The following KLHDC1 variants were observed in gnomAD, a reference collection of about 807,000 sequenced individuals.
KLHDC1 encodes the protein kelch domain containing 1, also known as kelch domain-containing protein 1.
KLHDC1 carries 53 observed loss-of-function variants against 68.3 expected under a neutral mutation model. The ratio of observed to expected loss-of-function variants is 0.78; its 90% CI spans 0.62 to 0.98. KLHDC1 has a LOEUF of 0.98. Among genes scored for constraint, KLHDC1 ranks in the 50% least tolerant of loss-of-function variants. KLHDC1 has a pLI of 0.00. For missense variants in KLHDC1, 470 were observed against 492.3 expected (o/e 0.95, Z 0.43); for synonymous variants, 148 against 159.0 (o/e 0.93, Z 0.52).
chr14:49,730,101 T>C (rs1031291689), intron 8 of KLHDC1, among the ~76,000 whole-genome samples: 1 of 151,788 alleles, frequency 6.6e-6, no homozygotes, highest in Non-Finnish European at 1.5e-5. Flanking sequence ...AATTCATAAA[T>C]GAAAAGACTG....
chr14:49,699,958 T>C, intron 1 of KLHDC1: 1 of 232,308 alleles, frequency 4.3e-6, no homozygotes, highest in South Asian at 3.8e-5. Context: ...AGTATGGTTT[T>C]CCTATCATGG....
At chr14:49,744,349 T>C (rs1199529306) in intron 12 of KLHDC1, among the ~76,000 whole-genome samples, 1 of 152,124 alleles carries the variant, frequency 6.6e-6, no homozygotes, top group Admixed American at 6.6e-5. Flanking sequence ...ATACAGTCAC[T>C]GTTTTGTTTG....
At chr14:49,741,916 G>C (rs1327346086) in intron 11 of KLHDC1, among the ~76,000 whole-genome samples, 1 of 152,146 alleles carries the variant, frequency 6.6e-6, no homozygotes, top group Admixed American at 6.5e-5. Flanking sequence ...AACCCAGAGG[G>C]CACTAGCTCC....
chr14:49,726,131 A>G (rs1021207932), intron 6 of KLHDC1, among the ~76,000 whole-genome samples: 2 of 152,240 alleles, frequency 1.3e-5, no homozygotes, highest in African/African-American at 4.8e-5. Flanking sequence ...TACAGGCATT[A>G]TAGGTCACCA....
intron 4 of KLHDC1, among the ~76,000 whole-genome samples, chr14:49,719,131 C>T (rs1198309985): frequency 6.6e-6 from 1 of 151,828 alleles, no homozygotes; most frequent in African/African-American, 2.4e-5. Context: ...TGCCTCCAAC[C>T]TTTATCATTT....
At chr14:49,748,451 G>A (rs1254704417) in intron 12 of KLHDC1, among the ~76,000 whole-genome samples, 1 of 152,090 alleles carries the variant, frequency 6.6e-6, no homozygotes, top group African/African-American at 2.4e-5. Context: ...CATACAGCTG[G>A]TGTTCCAAAA....
intron 12 of KLHDC1, among the ~76,000 whole-genome samples, chr14:49,745,833 C>T (rs574738554): frequency 2.1e-4 from 32 of 152,298 alleles, no homozygotes; most frequent in African/African-American, 7.5e-4. Context: ...AGAACTTTAT[C>T]TCTCTTTTAC....
chr14:49,727,195 C>CG (rs1364148017), intron 6 of KLHDC1, among the ~76,000 whole-genome samples: 2 of 151,852 alleles, frequency 1.3e-5, no homozygotes, highest in Non-Finnish European at 2.9e-5. Flanking sequence ...TTGCAGTGAG[C>CG]GGAGATTGCT....
intron 1 of KLHDC1, among the ~76,000 whole-genome samples, chr14:49,702,908 G>A (rs1887947817): frequency 6.6e-6 from 1 of 152,162 alleles, no homozygotes; most frequent in African/African-American, 2.4e-5. Flanking sequence ...ATAAAAGGCA[G>A]CAGTGTGGTG....
rs1449266268 is a variant in KLHDC1, at chr14:49,751,760, C to T, written c.1209C>T (p.Ile403=). ...AAACAGAAAATAAATATCAGTGGAT[C>T]AGTAGCAATTAAATTGTTATATACT... ...KEETENKYQW[I]SSN Residue 403 remains isoleucine, a synonymous_variant, in exon 13 of 13, where the codon ATC becomes ATT. Transcript: ENST00000359332. 1 of 1,555,258 alleles carries T rather than the reference C, an allele frequency of 6.4e-7. No homozygotes were observed. The highest frequency in any genetic ancestry group is 2.3e-5 in the East Asian group (1 of 43,702).
chr14:49,693,152 C>G lies in KLHDC1; in HGVS notation c.-43C>G. On this transcript the variant is annotated 5_prime_UTR_variant, in exon 1 of 13. Coordinates refer to ENST00000359332, the MANE Select transcript of KLHDC1 (RefSeq NM_172193.3). ...GCTGGAGGCGAGGCCGCCGGGCGGGCAGGGGTTGTGGCGCGGCAAGCGGCG... is the reference window on the plus strand; with the variant it reads ...GCTGGAGGCGAGGCCGCCGGGCGGGGAGGGGTTGTGGCGCGGCAAGCGGCG... The G allele has an allele frequency of 1.3e-6, 2 of 1,530,166 alleles. No homozygotes were observed. Among genetic ancestry groups the G allele is most frequent in the Non-Finnish European group, 1.8e-6 (2 of 1,130,090 alleles). 94.8% of individuals were successfully genotyped at this position (1,530,166 alleles called of 1,614,324 possible).
chr14:49,729,107 A>G (rs1888741722), intron 7 of KLHDC1, 98 bp downstream of exon 7: 1 of 826,254 alleles, frequency 1.2e-6, no homozygotes, highest in Non-Finnish European at 2.0e-6. Context: ...CATGTAATCT[A>G]GAGATTAAAA....
At chr14:49,740,062 A>G in intron 10 of KLHDC1, 36 bp from the exon 11 acceptor site, 1 of 1,163,478 alleles carries the variant, frequency 8.6e-7, no homozygotes, top group East Asian at 2.4e-5. Context: ...TTCTCCCATG[A>G]CAGTGTTTCA....
At chr14:49,716,851 C>T (rs1888390976) in intron 4 of KLHDC1, among the ~76,000 whole-genome samples, 2 of 152,168 alleles carry the variant, frequency 1.3e-5, no homozygotes, top group Non-Finnish European at 2.9e-5. Context: ...AAACTCTGTG[C>T]CCATTAAGCC....
At chr14:49,697,661 ATAAT>A (rs897416020) in intron 1 of KLHDC1, among the ~76,000 whole-genome samples, 30 of 152,328 alleles carry the variant, frequency 2.0e-4, no homozygotes, top group African/African-American at 5.1e-4. Flanking sequence ...TGTGTGTTAA[ATAAT>A]TCTCAGATTC....
intron 6 of KLHDC1, among the ~76,000 whole-genome samples, chr14:49,727,972 TTTCC>T: frequency 6.6e-6 from 1 of 152,194 alleles, no homozygotes; most frequent in South Asian, 2.1e-4. Context: ...GCAGAAGATT[TTTCC>T]CTCAAACCTT....
chr14:49,744,171 A>C (rs545008529), intron 12 of KLHDC1, among the ~76,000 whole-genome samples: 1 of 151,266 alleles, frequency 6.6e-6, no homozygotes, highest in Admixed American at 6.6e-5. Context: ...AGTCTTGGCT[A>C]CTGTGGCTAC....
At chr14:49,748,103 A>T (rs760815159) in intron 12 of KLHDC1, among the ~76,000 whole-genome samples, 1 of 152,212 alleles carries the variant, frequency 6.6e-6, no homozygotes, top group Admixed American at 6.5e-5. Context: ...ATGGGAGTTT[A>T]AGATTTCACA....
intron 1 of KLHDC1, 39 bp from the exon 2 acceptor site, chr14:49,709,120 T>A (rs1888133639): frequency 2.3e-6 from 2 of 870,962 alleles, no homozygotes; most frequent in Non-Finnish European, 3.7e-6. Context: ...GTTTGCTGTG[T>A]AACTGATAAA....
Sources: allele counts gnomAD v4.1 joint callset (sites outside exome capture counted in the v4.1 genomes callset), GRCh38; gene constraint gnomAD v4.1.1; transcripts MANE v1.5; gene names NCBI Gene and HGNC (gene_info 2026-07-23, HGNC 2026-07-21).